The following RP1 variants were observed in gnomAD, a reference collection of about 807,000 sequenced individuals.
The protein encoded by RP1 is RP1 axonemal microtubule associated.
In RP1, 16 loss-of-function variants were observed where a neutral mutation model predicts 14.8. The ratio of observed to expected loss-of-function variants is 1.08; its 90% CI spans 0.73 to 1.65. The LOEUF is 1.65. Among genes scored for constraint, RP1 ranks in the 40% most tolerant of loss-of-function variants. The pLI, the probability that RP1 is intolerant of heterozygous loss-of-function variation, is 0.00. For synonymous variants in RP1, 876 were observed against 883.6 expected, an observed-to-expected ratio of 0.99 and a Z score of 0.15; for missense variants, 2,631 against 2,535.0, an observed-to-expected ratio of 1.04 and a Z score of -0.81.
Position 54,787,063 on chromosome 8 carries a change from A to G in RP1, c.3615+3353A>G, listed in dbSNP as rs10504170. Among the ~76,000 whole-genome samples the G allele has an allele frequency of 0.016, 2,491 of 152,310 alleles. 142 individuals are homozygous for G. The East Asian group carries it at 0.18, about 11-fold the overall frequency. On this transcript the variant is annotated intron_variant, in intron 24 of 28. Coordinates refer to the RP1 transcript ENST00000637698. Reference sequence around the variant, plus strand: ...AAGAGGAACTTGGTTGTAGGACTTCATAAAAGAAGAGGATTCTAGTTTTAA... The same window carrying G: ...AAGAGGAACTTGGTTGTAGGACTTCGTAAAAGAAGAGGATTCTAGTTTTAA...
chr8:54,756,762 G>A (rs1197802959), intron 21 of RP1, among the ~76,000 whole-genome samples: 3 of 152,178 alleles, frequency 2.0e-5, no homozygotes, highest in Non-Finnish European at 2.9e-5. Flanking sequence ...AAATGGCAGA[G>A]GCTCCATGTA....
chr8:54,764,259 A>G (rs912256843), intron 22 of RP1, among the ~76,000 whole-genome samples: 1 of 152,240 alleles, frequency 6.6e-6, no homozygotes, highest in African/African-American at 2.4e-5. Flanking sequence ...TTGGCCACAC[A>G]GCAGGCCTAC....
intron 24 of RP1, among the ~76,000 whole-genome samples, chr8:54,785,525 GTAT>G (rs1250866827): frequency 2.0e-5 from 3 of 151,856 alleles, no homozygotes; most frequent in Non-Finnish European, 4.4e-5. Flanking sequence ...CACTATGTAT[GTAT>G]CATTTCACAC....
chr8:54,784,781 T>C (rs1810277186), intron 24 of RP1, among the ~76,000 whole-genome samples: 1 of 152,134 alleles, frequency 6.6e-6, no homozygotes, highest in South Asian at 2.1e-4. Context: ...TTAAAATTTA[T>C]CAGTTTATTT....
downstream of RP1, among the ~76,000 whole-genome samples, chr8:54,772,607 G>C (rs1365043241): frequency 1.3e-5 from 2 of 152,098 alleles, no homozygotes; most frequent in African/African-American, 4.8e-5. Context: ...TAACCCTATG[G>C]GATAGGTTGT....
chr8:54,567,115 C>T (rs1015406491), intron 1 of RP1, among the ~76,000 whole-genome samples: 10 of 152,150 alleles, frequency 6.6e-5, no homozygotes, highest in East Asian at 1.9e-4. Context: ...ACTCAAGTCA[C>T]GGTAGTTCAA....
At chr8:54,587,966 C>T (rs982812715) in intron 1 of RP1, among the ~76,000 whole-genome samples, 1 of 152,090 alleles carries the variant, frequency 6.6e-6, no homozygotes, top group Non-Finnish European at 1.5e-5. Context: ...ATTTAAAATC[C>T]TGTCTTGCAA....
chr8:54,628,103 A>T lies in RP1; in HGVS notation c.4221A>T (p.Glu1407Asp). 1 of 1,614,074 alleles carries T rather than the reference A, an allele frequency of 6.2e-7. No homozygotes were observed. Among genetic ancestry groups the T allele is most frequent in the Non-Finnish European group, 8.5e-7 (1 of 1,179,950 alleles). Residue 1407 changes from glutamate (E) to aspartate (D), a missense_variant, in exon 4 of 4, where the codon GAA (glutamate) becomes GAT (aspartate). Coordinates refer to ENST00000220676, the MANE Select transcript of RP1 (RefSeq NM_006269.2). ...GTGGCCTTTGCCTAAGTGAAAAAGAAGCAGAACTTGATAAGAAACATAGTT... is the reference window on the plus strand; with the variant it reads ...GTGGCCTTTGCCTAAGTGAAAAAGATGCAGAACTTGATAAGAAACATAGTT... ...SSCGLCLSEK[E>D]AELDKKHSSL...
intron 1 of RP1, among the ~76,000 whole-genome samples, chr8:54,574,266 G>T (rs1030255381): frequency 2.6e-5 from 4 of 152,172 alleles, no homozygotes; most frequent in African/African-American, 9.7e-5. Context: ...CAGGTGTCAT[G>T]AAACAACTGT....
exon 14 of RP1, chr8:54,701,514 G>T: frequency 2.0e-6 from 3 of 1,533,644 alleles, no homozygotes; most frequent in South Asian, 2.4e-5. Context: ...ACTGAGCTGC[G>T]GGTGCTTTAT....
Position 54,823,529 on chromosome 8 carries a change from C to T in RP1, c.3616-13921C>T, listed in dbSNP as rs143671766. Among the ~76,000 whole-genome samples the T allele has an allele frequency of 3.9e-3, 587 of 152,194 alleles. 3 individuals carry two copies. Among genetic ancestry groups the T allele is most frequent in the Non-Finnish European group, 6.4e-3 (437 of 68,004 alleles). Reference sequence around the variant, plus strand: ...GTTTTTAGTAGAGACGGGGTTTCACCATGTTGACCTGGCTGGCCTTGAACT... The same window carrying T: ...GTTTTTAGTAGAGACGGGGTTTCACTATGTTGACCTGGCTGGCCTTGAACT... On this transcript the variant is annotated intron_variant, in intron 24 of 28. Coordinates refer to the RP1 transcript ENST00000637698.
chr8:54,732,395 C>G (rs1808813370), intron 17 of RP1, among the ~76,000 whole-genome samples: 1 of 152,136 alleles, frequency 6.6e-6, no homozygotes, highest in African/African-American at 2.4e-5. Context: ...TGTCTGTTTT[C>G]ACCACTGGAT....
chr8:54,870,278 C>T, exon 29 of RP1: 1 of 199,518 alleles, frequency 5.0e-6, no homozygotes, highest in Non-Finnish European at 1.0e-5. Context: ...TTCAGAAAAT[C>T]TGACTTACTG....
In RP1 at chr8:54,630,194, C is replaced by T. The variant is rs759136487; in HGVS notation, c.6312C>T (p.Cys2104=). 23 of 1,613,632 alleles carry T rather than the reference C, an allele frequency of 1.4e-5. No individual in the cohort carries two copies. The highest frequency in any genetic ancestry group is 1.9e-5 in the Non-Finnish European group (22 of 1,179,922). The change falls in exon 4 of 4, where the codon TGC becomes TGT. Residue 2104 remains cysteine, a synonymous_variant. Transcript: ENST00000220676. ...TCTTTGAAATGCTTGGTCAAGCTTG[C>T]CTCTTAGATATTTGCCAAGTTGAGA... ...HYFFEMLGQA[C]LLDICQVETS... is the part of the protein sequence containing the mutation.
downstream of RP1, among the ~76,000 whole-genome samples, chr8:54,772,858 A>G (rs1181877376): frequency 6.6e-6 from 1 of 152,088 alleles, no homozygotes; most frequent in Non-Finnish European, 1.5e-5. Context: ...TATTTTTTTA[A>G]CCTATTAAGC....
At chr8:54,676,482 A>G (rs1192094548) in intron 8 of RP1, among the ~76,000 whole-genome samples, 2 of 152,242 alleles carry the variant, frequency 1.3e-5, no homozygotes, top group Non-Finnish European at 2.9e-5. Flanking sequence ...AGTCTGCAGA[A>G]CAGTCAGAGT....
chr8:54,649,786 AAG>A (rs1362902592), intron 4 of RP1, among the ~76,000 whole-genome samples: 1 of 152,196 alleles, frequency 6.6e-6, no homozygotes, highest in Non-Finnish European at 1.5e-5. Context: ...ACCATGAAAA[AAG>A]AGTCTCCTTA....
At chr8:54,797,783 TA>T (rs1437540954) in intron 24 of RP1, among the ~76,000 whole-genome samples, 1 of 152,082 alleles carries the variant, frequency 6.6e-6, no homozygotes, top group Non-Finnish European at 1.5e-5. Context: ...TCTTAACCAT[TA>T]ATATGTATAT....
chr8:54,587,928 C>T (rs555338489), intron 1 of RP1, among the ~76,000 whole-genome samples: 1 of 152,158 alleles, frequency 6.6e-6, no homozygotes, highest in East Asian at 1.9e-4. Context: ...AACAAAAATG[C>T]CATTTCATAC....
Sources: allele counts gnomAD v4.1 joint callset (sites outside exome capture counted in the v4.1 genomes callset), GRCh38; gene constraint gnomAD v4.1.1; transcripts MANE v1.5; gene names NCBI Gene and HGNC (gene_info 2026-07-23, HGNC 2026-07-21).